The following FMN2 variants were observed in gnomAD, a reference collection of about 807,000 sequenced individuals.
The protein encoded by FMN2 is formin 2, also known as formin-2.
In FMN2, 51 loss-of-function variants were observed where a neutral mutation model predicts 142.3. That is an observed-to-expected ratio of 0.36 (90% CI 0.29 to 0.45). The LOEUF (loss-of-function observed/expected upper bound fraction) is 0.45. FMN2 is among the 20% of genes least tolerant of loss of function. The pLI is 1.00. For synonymous variants in FMN2, 882 were observed against 869.8 expected, an observed-to-expected ratio of 1.01 and a Z score of -0.25; for missense variants, 1,936 against 2,122.8, an observed-to-expected ratio of 0.91 and a Z score of 1.73.
chr1:240,198,775 A>G (rs549442943), intron 4 of FMN2, among the ~76,000 whole-genome samples: 1 of 152,308 alleles, frequency 6.6e-6, no homozygotes, highest in Non-Finnish European at 1.5e-5. Context: ...ATAAACTGGA[A>G]TGCCATTGGT....
chr1:240,338,834 T>C (rs1671652888), intron 13 of FMN2, among the ~76,000 whole-genome samples: 1 of 152,120 alleles, frequency 6.6e-6, no homozygotes, highest in Non-Finnish European at 1.5e-5. Context: ...TATAATGAAG[T>C]AATTAAACAA....
chr1:240,353,607 T>C (rs915586861), intron 13 of FMN2, among the ~76,000 whole-genome samples: 3 of 152,176 alleles, frequency 2.0e-5, no homozygotes, highest in African/African-American at 7.2e-5. Flanking sequence ...TATAGTGTGG[T>C]AGTTGATATT....
At chr1:240,236,399 A>C (rs1667712111) in intron 6 of FMN2, among the ~76,000 whole-genome samples, 1 of 152,218 alleles carries the variant, frequency 6.6e-6, no homozygotes, top group Admixed American at 6.5e-5. Flanking sequence ...CCAGCATTAA[A>C]GATTATGTGT....
intron 16 of FMN2, among the ~76,000 whole-genome samples, chr1:240,468,744 C>G (rs1022851171): frequency 1.3e-5 from 2 of 152,102 alleles, no homozygotes; most frequent in African/African-American, 4.8e-5. Flanking sequence ...GTGGATGGAA[C>G]ACGTACAAAC....
intron 2 of FMN2, among the ~76,000 whole-genome samples, chr1:240,154,483 GA>G (rs1481226998): frequency 1.3e-5 from 2 of 152,192 alleles, no homozygotes; most frequent in Admixed American, 1.3e-4. Context: ...ACACATTGAA[GA>G]AATGGTGAGC....
intron 7 of FMN2, among the ~76,000 whole-genome samples, chr1:240,273,987 A>G (rs1383058147): frequency 6.6e-6 from 1 of 152,122 alleles, no homozygotes; most frequent in Non-Finnish European, 1.5e-5. Flanking sequence ...ACAAAGAAAG[A>G]TGCCAGCATT....
At chr1:240,440,638 T>G (rs1675578983) in intron 16 of FMN2, among the ~76,000 whole-genome samples, 1 of 152,146 alleles carries the variant, frequency 6.6e-6, no homozygotes, top group Admixed American at 6.6e-5. Context: ...ACTTCTCAGT[T>G]TTCTAAATCA....
At chr1:240,235,577 A>C (rs1667682149) in intron 6 of FMN2, among the ~76,000 whole-genome samples, 1 of 138,858 alleles carries the variant, frequency 7.2e-6, no homozygotes, top group African/African-American at 2.5e-5. Flanking sequence ...ATGCCTGGCT[A>C]ATTAAAAATT....
At chr1:240,260,268 A>C (rs1233209136) in intron 7 of FMN2, among the ~76,000 whole-genome samples, 1 of 152,188 alleles carries the variant, frequency 6.6e-6, no homozygotes, top group Non-Finnish European at 1.5e-5. Flanking sequence ...GTAGATATCC[A>C]GTAGTGGGAT....
At chr1:240,112,672 GA>G (rs1419027902) in intron 1 of FMN2, among the ~76,000 whole-genome samples, 1 of 152,212 alleles carries the variant, frequency 6.6e-6, no homozygotes, top group East Asian at 1.9e-4. Context: ...ATCAGCTTTT[GA>G]GAATTTTCTC....
intron 1 of FMN2, among the ~76,000 whole-genome samples, chr1:240,109,870 T>C (rs1038151727): frequency 6.6e-6 from 1 of 152,134 alleles, no homozygotes; most frequent in Non-Finnish European, 1.5e-5. Context: ...ATTACTATTA[T>C]TATTATTAGT....
rs572006783 is a variant in FMN2 at position 240,456,063 on chromosome 1, T to A, written c.5061-16309T>A. On this transcript the variant is annotated intron_variant, in intron 16 of 17. Transcript: ENST00000319653. ...CATGTTCATATCCAAATATTCTTAA[T>A]CACTAGTAGTCATGTGTCATTTTCT... Among the ~76,000 whole-genome samples the A allele has an allele frequency of 2.0e-5, 3 of 152,146 alleles. No individual in the cohort carries two copies. The South Asian group carries it at 6.2e-4, about 32-fold the overall frequency.
chr1:240,135,380 A>C (rs1200581634), intron 2 of FMN2, among the ~76,000 whole-genome samples: 1 of 152,202 alleles, frequency 6.6e-6, no homozygotes, highest in Non-Finnish European at 1.5e-5. Context: ...TTTCCAATCC[A>C]ATATTACTTT....
intron 13 of FMN2, among the ~76,000 whole-genome samples, chr1:240,345,657 A>G (rs1449781478): frequency 6.6e-6 from 1 of 151,860 alleles, no homozygotes; most frequent in Non-Finnish European, 1.5e-5. Context: ...TAATTTTTGT[A>G]TTTTTAGTAG....
At chr1:240,153,842 C>T (rs73130514) in intron 2 of FMN2, among the ~76,000 whole-genome samples, 26,475 of 151,942 alleles carry the variant, frequency 0.17, 2,517 homozygotes, top group Middle Eastern at 0.28. Context: ...ACCAGCCGGG[C>T]GCTGTGGCTC....
At chr1:240,241,825 C>CTTTTTTTTTTTTTTTTTTTTTTTTT (rs71567282) in intron 6 of FMN2, among the ~76,000 whole-genome samples, 2 of 96,234 alleles carry the variant, frequency 2.1e-5, no homozygotes, top group African/African-American at 7.6e-5. Flanking sequence ...GTGTGCCTTG[C>CTTTTTTTTTTTTTTTTTTTTTTTTT]TTTTTTTTTT....
At chr1:240,347,713 C>A (rs1488229519) in intron 13 of FMN2, among the ~76,000 whole-genome samples, 1 of 152,098 alleles carries the variant, frequency 6.6e-6, no homozygotes, top group Non-Finnish European at 1.5e-5. Context: ...CTCTAATAGA[C>A]CCCAGCGTTG....
At chr1:240,261,436 G>C (rs550211340) in intron 7 of FMN2, among the ~76,000 whole-genome samples, 1 of 151,068 alleles carries the variant, frequency 6.6e-6, no homozygotes, top group South Asian at 2.1e-4. Flanking sequence ...CTAAAACAAA[G>C]TATATGTAAT....
At chr1:240,160,469 C>T (rs1664231834) in intron 2 of FMN2, among the ~76,000 whole-genome samples, 1 of 148,862 alleles carries the variant, frequency 6.7e-6, no homozygotes, top group African/African-American at 2.5e-5. Flanking sequence ...TGTATATATA[C>T]ATTATATATA....
Sources: gnomAD v4.1 joint callset for allele counts (sites outside exome capture counted in the v4.1 genomes callset) on GRCh38, gnomAD v4.1.1 for gene constraint, MANE v1.5 for transcripts, NCBI Gene and HGNC (gene_info 2026-07-23, HGNC 2026-07-21) for gene names.